The following CAMK1D variants were observed in gnomAD, a reference collection of about 807,000 sequenced individuals.
The protein encoded by CAMK1D is calcium/calmodulin dependent protein kinase ID, also known as calcium/calmodulin-dependent protein kinase type 1D.
In CAMK1D, 9 loss-of-function variants were observed where a neutral mutation model predicts 47.7. The observed-to-expected ratio is 0.19, with a 90% CI of 0.11 to 0.33. The LOEUF is 0.33. Among genes scored for constraint, CAMK1D ranks in the 10% least tolerant of loss-of-function variants. The pLI is 1.00. For synonymous variants in CAMK1D, 184 were observed against 184.9 expected (o/e 0.99, Z 0.04); for missense variants, 291 against 488.7 (o/e 0.60, Z 3.81).
intron 1 of CAMK1D, among the ~76,000 whole-genome samples, chr10:12,397,868 G>T (rs1482846700): frequency 6.6e-6 from 1 of 152,136 alleles, no homozygotes; most frequent in Admixed American, 6.5e-5. Context: ...AGCTTCTCTT[G>T]AAAAATGTAA....
At chr10:12,595,499 T>G (rs1251953915) in intron 2 of CAMK1D, among the ~76,000 whole-genome samples, 5 of 152,156 alleles carry the variant, frequency 3.3e-5, no homozygotes, top group African/African-American at 1.2e-4. Context: ...AACTTGGGCC[T>G]GGTCCCTGGG....
At chr10:12,396,420 C>G (rs1478798649) in intron 1 of CAMK1D, among the ~76,000 whole-genome samples, 1 of 152,176 alleles carries the variant, frequency 6.6e-6, no homozygotes, top group Non-Finnish European at 1.5e-5. Flanking sequence ...GGCTTATGCC[C>G]AGGGATAATG....
At chr10:12,562,786 A>G (rs1185747438) in intron 2 of CAMK1D, among the ~76,000 whole-genome samples, 1 of 152,076 alleles carries the variant, frequency 6.6e-6, no homozygotes, top group East Asian at 1.9e-4. Context: ...TGCTGCTCCA[A>G]ACTGTGGACT....
intron 2 of CAMK1D, among the ~76,000 whole-genome samples, chr10:12,600,869 CAT>C (rs1475457021): frequency 6.6e-6 from 1 of 152,228 alleles, no homozygotes; most frequent in East Asian, 1.9e-4. Context: ...TGGGTGAGAA[CAT>C]GTGGTATTTA....
At chr10:12,364,489 C>T (rs996053295) in intron 1 of CAMK1D, among the ~76,000 whole-genome samples, 21 of 151,952 alleles carry the variant, frequency 1.4e-4, no homozygotes, top group African/African-American at 5.1e-4. Flanking sequence ...GTGATCCGCC[C>T]ACCTAGGCCT....
chr10:12,402,301 A>C (rs1046950701), intron 1 of CAMK1D, among the ~76,000 whole-genome samples: 5 of 151,850 alleles, frequency 3.3e-5, no homozygotes. Context: ...TGATGTGATC[A>C]CAGCTCACTT....
intron 1 of CAMK1D, among the ~76,000 whole-genome samples, chr10:12,452,002 C>G (rs893976283): frequency 1.3e-5 from 2 of 152,072 alleles, no homozygotes; most frequent in Non-Finnish European, 2.9e-5. Context: ...CCAATAGCCC[C>G]TTAATTGAGG....
chr10:12,698,105 C>T (rs973489304), intron 3 of CAMK1D, among the ~76,000 whole-genome samples: 1 of 152,148 alleles, frequency 6.6e-6, no homozygotes, highest in Non-Finnish European at 1.5e-5. Context: ...AATACTACTC[C>T]GTTGTCAGGC....
intron 5 of CAMK1D, among the ~76,000 whole-genome samples, chr10:12,790,080 C>T (rs553850461): frequency 1.3e-5 from 2 of 152,206 alleles, no homozygotes; most frequent in Admixed American, 1.3e-4. Context: ...GCCCCAAGGC[C>T]AGTAAAAGAG....
intron 1 of CAMK1D, 44 bp from the exon 2 acceptor site, chr10:12,553,181 G>A (rs779716978): frequency 1.2e-6 from 2 of 1,612,034 alleles, no homozygotes; most frequent in African/African-American, 2.7e-5. Context: ...TTGTGAAACT[G>A]GACTTCTGCA....
At chr10:12,820,435 T>G (rs183796578) in intron 8 of CAMK1D, among the ~76,000 whole-genome samples, 59 of 152,366 alleles carry the variant, frequency 3.9e-4, no homozygotes, top group Admixed American at 3.7e-3. Flanking sequence ...GATATACTTC[T>G]CTCTTTTATG....
chr10:12,616,849 A>G (rs1370585622), intron 2 of CAMK1D, among the ~76,000 whole-genome samples: 1 of 152,124 alleles, frequency 6.6e-6, no homozygotes, highest in East Asian at 1.9e-4. Context: ...GCTAGAGTAG[A>G]GGAGGCAGGG....
chr10:12,655,052 G>A, intron 2 of CAMK1D, among the ~76,000 whole-genome samples: 1 of 152,188 alleles, frequency 6.6e-6, no homozygotes, highest in East Asian at 1.9e-4. Flanking sequence ...CATTGGATTA[G>A]GCCGTTCCTG....
In CAMK1D at chr10:12,828,829, G is replaced by A. The variant is rs886676558; in HGVS notation, c.1100G>A (p.Gly367Glu). 30 of 1,613,798 alleles carry A rather than the reference G, an allele frequency of 1.9e-5. No individual in the cohort carries two copies. Among genetic ancestry groups the A allele is most frequent in the Non-Finnish European group, 2.5e-5 (30 of 1,179,930 alleles). Residue 367 changes from glycine to glutamate, a missense_variant, in exon 11 of 11, where the codon GGA becomes GAA. Physicochemically the swap from Gly to Glu is moderately conservative, Grantham distance 98 (BLOSUM62 -2). This residue lies in a region of CAMK1D where 72 missense variants were observed against 64.4 expected (regional missense o/e 1.12). Transcript: ENST00000619168. Reference sequence around the variant, plus strand: ...TCTTCGTCGGGGGTCTCAGGAGTTGGAGCCGAGCGGAGACCCAGGCCCACC... The same window carrying A: ...TCTTCGTCGGGGGTCTCAGGAGTTGAAGCCGAGCGGAGACCCAGGCCCACC... ...ISSSSGVSGV[G>E]AERRPRPTTV...
intron 4 of CAMK1D, among the ~76,000 whole-genome samples, chr10:12,762,670 C>T (rs1028614564): frequency 1.8e-4 from 27 of 152,102 alleles, no homozygotes; most frequent in African/African-American, 6.0e-4. Flanking sequence ...AACCACTGGG[C>T]GAGGATATTT....
intron 3 of CAMK1D, among the ~76,000 whole-genome samples, chr10:12,670,850 G>A (rs370449258): frequency 1.8e-4 from 27 of 152,052 alleles, no homozygotes; most frequent in Admixed American, 7.2e-4. Context: ...TGCCCAGCCC[G>A]AAATGTTTTT....
At chr10:12,417,644 C>T (rs1345357801) in intron 1 of CAMK1D, among the ~76,000 whole-genome samples, 1 of 152,110 alleles carries the variant, frequency 6.6e-6, no homozygotes, top group African/African-American at 2.4e-5. Context: ...CTCCTGGCTC[C>T]TTCAGAAATG....
chr10:12,739,400 G>A (rs944737841), intron 3 of CAMK1D, among the ~76,000 whole-genome samples: 11 of 151,402 alleles, frequency 7.3e-5, no homozygotes, highest in African/African-American at 1.5e-4. Flanking sequence ...CTCAGCCTCC[G>A]GAGTAGCTGG....
chr10:12,449,857 G>C (rs528131132), intron 1 of CAMK1D, among the ~76,000 whole-genome samples: 2 of 152,254 alleles, frequency 1.3e-5, no homozygotes, highest in Admixed American at 1.3e-4. Context: ...AAATTATCTG[G>C]GCATGGTGGC....
Sources: gnomAD v4.1 joint callset for allele counts (sites outside exome capture counted in the v4.1 genomes callset) on GRCh38, gnomAD v4.1.1 for gene constraint, gnomAD v4.1.1 regional missense constraint, MANE v1.5 for transcripts, NCBI Gene and HGNC (gene_info 2026-07-23, HGNC 2026-07-21) for gene names.